The following RIF1 variants were observed in gnomAD, a reference collection of about 807,000 sequenced individuals.
The protein encoded by RIF1 is telomere-associated protein RIF1.
In RIF1, 45 loss-of-function variants were observed where a neutral mutation model predicts 247.1. The ratio of observed to expected loss-of-function variants is 0.18; its 90% CI spans 0.14 to 0.23. The LOEUF is 0.23. RIF1 is among the 10% of genes least tolerant of loss of function. RIF1 has a pLI of 1.00. For missense variants in RIF1, 2,967 were observed against 2,862.5 expected (o/e 1.04, Z -0.83); for synonymous variants, 1,087 against 978.8 (o/e 1.11, Z -2.06).
chr2:151,443,756 T>G, intron 18 of RIF1, 47 bp downstream of exon 18: 2 of 1,192,000 alleles, frequency 1.7e-6, no homozygotes, highest in Non-Finnish European at 2.2e-6. Flanking sequence ...ACCTTTTTTT[T>G]TTGTTAGTGC....
At chr2:151,519,052 G>A in the RIF1 span, 1 of 1,611,658 alleles carries the variant, frequency 6.2e-7, no homozygotes, top group Non-Finnish European at 8.5e-7. Flanking sequence ...GTTTCTTCAG[G>A]TCAGCCTTGT....
chr2:151,443,422 TAAA>T, intron 17 of RIF1, 93 bp downstream of exon 17: 1 of 1,340,838 alleles, frequency 7.5e-7, no homozygotes, highest in Non-Finnish European at 1.0e-6. Flanking sequence ...TAAGTTTTTT[TAAA>T]AAAAATTCGT....
At chr2:151,533,572 A>C in the RIF1 span, 3 of 1,440,216 alleles carry the variant, frequency 2.1e-6, no homozygotes, top group Non-Finnish European at 2.9e-6. Flanking sequence ...GCAGTGAAGC[A>C]CAAAAGAGAC....
chr2:151,504,773 C>CA (rs1281863153), intron 12 of RIF1, among the ~76,000 whole-genome samples: 2 of 152,156 alleles, frequency 1.3e-5, no homozygotes, highest in East Asian at 3.8e-4. Context: ...GCTTGCTTGA[C>CA]AAAAGGTCAG....
rs373197663 is a variant in RIF1 at position 151,505,617 on chromosome 2, C to T, written c.*862-593C>T. The T allele has an allele frequency of 8.5e-5, 122 of 1,441,686 alleles. No individual in the cohort carries two copies. The African/African-American group carries it at 1.4e-3, about 17-fold the overall frequency. 89.3% of individuals were successfully genotyped at this position (1,441,686 alleles called of 1,614,324 possible). ...AAGAAAGGTATTATTACATGCTGGA[C>T]TGTTATTCTTCCCAACATGTACATG... On this transcript the variant is annotated intron_variant and NMD_transcript_variant, in intron 12 of 13. Coordinates refer to the RIF1 transcript ENST00000454583.
At chr2:151,511,621 A>C (rs1024671746), downstream of RIF1, among the ~76,000 whole-genome samples, 2 of 152,232 alleles carry the variant, frequency 1.3e-5, no homozygotes, top group Non-Finnish European at 2.9e-5. Context: ...TCAGAAGACA[A>C]GCACAAATTC....
the RIF1 span, chr2:151,530,961 T>G: frequency 7.0e-7 from 1 of 1,436,118 alleles, no homozygotes; most frequent in East Asian, 2.3e-5. Context: ...GAGGCCAAGA[T>G]GAGAGGGACT....
rs1686742332 is a variant in RIF1, at chr2:151,413,999, G to A, written c.184-824G>A. On this transcript the variant is annotated intron_variant, in intron 3 of 35. Transcript: ENST00000444746. ...GCCTTTTATAGCTTTTACATAAATG[G>A]TATGAGTTGGGCTTTAAATTCTAGA... Among the ~76,000 whole-genome samples, 6 of 152,106 alleles carry A rather than the reference G, an allele frequency of 3.9e-5. No homozygotes were observed. The South Asian group carries it at 1.2e-3, about 32-fold the overall frequency.
At chr2:151,519,202 T>C in the RIF1 span, 15 of 691,114 alleles carry the variant, frequency 2.2e-5, no homozygotes, top group African/African-American at 2.3e-4. Context: ...TCATTCATAG[T>C]AGCCAGAAGG....
At chr2:151,472,533 G>A (rs1484497641) in intron 34 of RIF1, among the ~76,000 whole-genome samples, 1 of 152,118 alleles carries the variant, frequency 6.6e-6, no homozygotes, top group Admixed American at 6.5e-5. Flanking sequence ...TTATTATTTT[G>A]AGATACGTCC....
Position 151,464,124 on chromosome 2 carries a change from G to T in RIF1, c.4604G>T (p.Arg1535Leu). 1.2e-6 allele frequency: 2 copies of T among 1,611,900 alleles called. No homozygotes were observed. The highest frequency in any genetic ancestry group is 1.7e-6 in the Non-Finnish European group (2 of 1,179,496). ...SSEKLVRGRT[R>L]YQTRRASQGL... ...GAGAAACTAGTCAGAGGCCGAACAC[G>T]GTATCAAACTAGAAGAGCATCTCAG... is the stretch of plus-strand genomic sequence containing the variant. Residue 1535 changes from arginine (R) to leucine (L), a missense_variant, in exon 30 of 36, where the codon CGG becomes CTG. Coordinates refer to ENST00000444746, the MANE Select transcript of RIF1 (RefSeq NM_018151.5).
rs1308910692 is a variant in RIF1, at chr2:151,446,561, G to A, written c.2230G>A (p.Asp744Asn). 6.2e-7 allele frequency: 1 copy of A among 1,612,398 alleles called. No individual in the cohort carries two copies. The highest frequency in any genetic ancestry group is 1.7e-5 in the Admixed American group (1 of 59,604). Reference sequence around the variant, plus strand: ...TTCCAAGATAATGTCCAGTTTGGAAGATGAAGGCTTTTCTGTGAGTTTGTC... The same window carrying A: ...TTCCAAGATAATGTCCAGTTTGGAAAATGAAGGCTTTTCTGTGAGTTTGTC... ...LSSKIMSSLEDEGFSNLLFVD... is the reference protein window; with the variant it reads ...LSSKIMSSLENEGFSNLLFVD... The change falls in exon 20 of 36, where the codon GAT (aspartate) becomes AAT (asparagine). Residue 744 changes from aspartate (D) to asparagine (N), a missense_variant. Transcript: ENST00000444746.
At chr2:151,445,249 T>C (rs1264062695) in intron 18 of RIF1, 89 bp from the exon 19 acceptor site, 5 of 780,364 alleles carry the variant, frequency 6.4e-6, no homozygotes, top group African/African-American at 1.7e-5. Flanking sequence ...GAACACAGTT[T>C]TGCCCACTAC....
intron 6 of RIF1, among the ~76,000 whole-genome samples, chr2:151,419,656 ATTATG>A (rs1047892357): frequency 2.0e-5 from 3 of 152,072 alleles, no homozygotes; most frequent in Non-Finnish European, 4.4e-5. Context: ...ATAGTACAGT[ATTATG>A]TTCTATATGT....
At chr2:151,457,417 C>G (rs964647111) in intron 23 of RIF1, among the ~76,000 whole-genome samples, 2 of 152,178 alleles carry the variant, frequency 1.3e-5, no homozygotes, top group Non-Finnish European at 2.9e-5. Flanking sequence ...ACCACTGAGC[C>G]CAGCCTAGTT....
the RIF1 span, among the ~76,000 whole-genome samples, chr2:151,529,961 C>A: frequency 4.6e-5 from 7 of 152,094 alleles, no homozygotes; most frequent in Non-Finnish European, 8.8e-5. Context: ...GGAAGAGAAG[C>A]CTTTCCCTAC....
Position 151,481,350 on chromosome 2 carries a change from C to G in RIF1, c.*6279C>G, listed in dbSNP as rs1461921436. 4 of 152,338 alleles carry G rather than the reference C, an allele frequency of 2.6e-5. No homozygotes were observed. The East Asian group carries it at 7.7e-4, about 29-fold the overall frequency. 9.4% of individuals were successfully genotyped at this position (152,338 alleles called of 1,614,324 possible). A position where few individuals can be genotyped will look rare whatever the true frequency, so the allele number is the denominator to read the frequency against. ...AAATTACAGATACTAGGAAACACTA[C>G]TACTTTATAAGTACACTTCTTTTTC... On this transcript the variant is annotated 3_prime_UTR_variant, in exon 36 of 36. Coordinates refer to ENST00000444746, the MANE Select transcript of RIF1 (RefSeq NM_018151.5).
chr2:151,433,442 T>C (rs568941694), intron 10 of RIF1, among the ~76,000 whole-genome samples: 44 of 148,948 alleles, frequency 3.0e-4, no homozygotes, highest in Non-Finnish European at 6.2e-4. Flanking sequence ...CTGAAATGTT[T>C]TTATTTATTT....
chr2:151,512,851 C>T (rs1246644797), downstream of RIF1: 12 of 1,559,052 alleles, frequency 7.7e-6, no homozygotes, highest in African/African-American at 1.4e-5. Context: ...TAAAACAACA[C>T]CGAATAGTTG....
Sources: allele counts gnomAD v4.1 joint callset (sites outside exome capture counted in the v4.1 genomes callset), GRCh38; gene constraint gnomAD v4.1.1; transcripts MANE v1.5; gene names NCBI Gene and HGNC (gene_info 2026-07-23, HGNC 2026-07-21).